Variants in FOXP2 observed in about 807,000 individuals in gnomAD.
The protein encoded by FOXP2 is forkhead box P2.
In FOXP2, 12 loss-of-function variants were observed where a neutral mutation model predicts 115.8. The ratio of observed to expected loss-of-function variants is 0.10; its 90% CI spans 0.07 to 0.17. The LOEUF (loss-of-function observed/expected upper bound fraction) is 0.17, where lower values mean the gene tolerates loss of function less well. Among genes scored for constraint, FOXP2 ranks in the 10% least tolerant of loss-of-function variants. FOXP2 has a pLI of 1.00. For missense variants in FOXP2, 629 were observed against 843.5 expected (o/e 0.75, Z 3.15); for synonymous variants, 328 against 297.7 (o/e 1.10, Z -1.05).
At chr7:114,136,852 A>G (rs981322918) in intron 1 of FOXP2, among the ~76,000 whole-genome samples, 1 of 152,024 alleles carries the variant, frequency 6.6e-6, no homozygotes, top group African/African-American at 2.4e-5. Context: ...ATCAATACTA[A>G]TAAGCCAATA....
chr7:114,440,089 T>A (rs765482102), intron 2 of FOXP2, among the ~76,000 whole-genome samples: 38 of 152,292 alleles, frequency 2.5e-4, no homozygotes, highest in South Asian at 2.1e-3. Flanking sequence ...ATATAATGGT[T>A]AGGACAGCAC....
chr7:114,358,399 A>G (rs776623095), intron 2 of FOXP2, among the ~76,000 whole-genome samples: 1 of 152,210 alleles, frequency 6.6e-6, no homozygotes, highest in Non-Finnish European at 1.5e-5. Context: ...GGGCGCTGCT[A>G]TAAGGATACT....
chr7:114,216,963 C>A (rs993943789), intron 1 of FOXP2, among the ~76,000 whole-genome samples: 3 of 152,058 alleles, frequency 2.0e-5, no homozygotes, highest in Non-Finnish European at 4.4e-5. Context: ...TAAAAATAAT[C>A]CCCTTATTGA....
At chr7:114,612,574 T>C (rs2016631676) in intron 3 of FOXP2, among the ~76,000 whole-genome samples, 3 of 152,136 alleles carry the variant, frequency 2.0e-5, no homozygotes, top group Non-Finnish European at 4.4e-5. Flanking sequence ...ACAGTCCTAC[T>C]CTTTTGAGGG....
In FOXP2 at chr7:114,316,217, C is replaced by T. The variant is rs188054953; in HGVS notation, c.-11+28108C>T. 4.6e-5 allele frequency among the ~76,000 whole-genome samples: 7 copies of T among 152,284 alleles called. No individual in the cohort carries two copies. The South Asian group carries it at 1.0e-3, about 23-fold the overall frequency. Reference sequence around the variant, plus strand: ...AAGTGCTGTATTGCTTTTTCAATCACAAACACATAGGTGAATTCACAAATA... The same window carrying T: ...AAGTGCTGTATTGCTTTTTCAATCATAAACACATAGGTGAATTCACAAATA... On this transcript the variant is annotated intron_variant, in intron 2 of 17. Coordinates refer to the FOXP2 transcript ENST00000634411.
At chr7:114,290,070 G>T (rs1400007546) in intron 2 of FOXP2, among the ~76,000 whole-genome samples, 2 of 151,814 alleles carry the variant, frequency 1.3e-5, no homozygotes, top group East Asian at 3.9e-4. Flanking sequence ...GGGACTGATA[G>T]ATCTGTTTAT....
chr7:114,384,021 T>C (rs540924376), intron 2 of FOXP2, among the ~76,000 whole-genome samples: 1 of 152,072 alleles, frequency 6.6e-6, no homozygotes, highest in Non-Finnish European at 1.5e-5. Flanking sequence ...CTAGTGGTCC[T>C]TTACCAGTGT....
intron 1 of FOXP2, among the ~76,000 whole-genome samples, chr7:114,120,207 A>G (rs895169784): frequency 3.9e-5 from 6 of 152,152 alleles, no homozygotes; most frequent in South Asian, 2.1e-4. Context: ...AAGTTGATCA[A>G]TGTGGCTAGA....
At chr7:114,393,764 G>A (rs1562901754) in intron 2 of FOXP2, among the ~76,000 whole-genome samples, 1 of 152,124 alleles carries the variant, frequency 6.6e-6, no homozygotes, top group Non-Finnish European at 1.5e-5. Flanking sequence ...GAAATGAGTT[G>A]TACACAGGGA....
In FOXP2 at chr7:114,629,920, A is replaced by G; in HGVS notation, c.512A>G (p.Gln171Arg). Residue 171 changes from glutamine to arginine, a missense_variant, in exon 5 of 17, where the codon CAA becomes CGA. By Grantham distance (43) the Gln-to-Arg change is conservative. Transcript: ENST00000350908. ...QQQQQQQQQQ[Q>R]QQQQQQQQQQ... ...CAGCAGCAACAACAGCAGCAGCAAC[A>G]ACAACAACAACAGCAGCAACAACAG... The G allele has an allele frequency of 6.2e-7, 1 of 1,613,230 alleles. No individual in the cohort carries two copies. The highest frequency in any genetic ancestry group is 2.2e-5 in the East Asian group (1 of 44,790).
At chr7:114,288,949 C>T (rs897623159) in intron 2 of FOXP2, among the ~76,000 whole-genome samples, 1 of 151,790 alleles carries the variant, frequency 6.6e-6, no homozygotes, top group East Asian at 1.9e-4. Context: ...CTTCAGAATT[C>T]TTCATTAAGA....
intron 3 of FOXP2, among the ~76,000 whole-genome samples, chr7:114,585,146 G>A (rs1304678959): frequency 6.6e-6 from 1 of 152,144 alleles, no homozygotes; most frequent in Non-Finnish European, 1.5e-5. Context: ...AAAAGTTTCT[G>A]AAGTATGTAA....
intron 1 of FOXP2, among the ~76,000 whole-genome samples, chr7:114,247,426 CT>C (rs990668485): frequency 2.0e-5 from 3 of 152,184 alleles, no homozygotes; most frequent in East Asian, 1.9e-4. Context: ...ACCTCTGTTT[CT>C]TTTTTTCACA....
chr7:114,166,388 A>G (rs1275568040), intron 1 of FOXP2, among the ~76,000 whole-genome samples: 1 of 152,168 alleles, frequency 6.6e-6, no homozygotes, highest in Non-Finnish European at 1.5e-5. Context: ...AAAATATACT[A>G]CAAAGAACTC....
At chr7:114,170,021 G>A (rs991299990) in intron 1 of FOXP2, among the ~76,000 whole-genome samples, 2 of 152,014 alleles carry the variant, frequency 1.3e-5, no homozygotes, top group African/African-American at 2.4e-5. Flanking sequence ...TTTGTAAATC[G>A]CCCTGTCTCC....
intron 2 of FOXP2, among the ~76,000 whole-genome samples, chr7:114,468,892 A>G (rs1795924133): frequency 6.6e-6 from 1 of 152,204 alleles, no homozygotes; most frequent in African/African-American, 2.4e-5. Context: ...ACTTAATGAA[A>G]AAAAGTCATT....
chr7:114,121,134 G>A (rs1246496175), intron 1 of FOXP2, among the ~76,000 whole-genome samples: 1 of 152,056 alleles, frequency 6.6e-6, no homozygotes, highest in African/African-American at 2.4e-5. Flanking sequence ...GACAGAATGA[G>A]GAGATAGGGT....
At chr7:114,433,409 G>A (rs911141346) in intron 2 of FOXP2, among the ~76,000 whole-genome samples, 3 of 151,352 alleles carry the variant, frequency 2.0e-5, no homozygotes, top group African/African-American at 7.3e-5. Context: ...TTTTCCAAAG[G>A]AATATTTTTT....
chr7:114,215,876 A>G (rs1794473702), intron 1 of FOXP2, among the ~76,000 whole-genome samples: 1 of 152,200 alleles, frequency 6.6e-6, no homozygotes, highest in African/African-American at 2.4e-5. Context: ...GGTGCCAGGC[A>G]GATAGAGTTC....
Sources: gnomAD v4.1 joint callset for allele counts (sites outside exome capture counted in the v4.1 genomes callset) on GRCh38, gnomAD v4.1.1 for gene constraint, MANE v1.5 for transcripts, NCBI Gene and HGNC (gene_info 2026-07-23, HGNC 2026-07-21) for gene names.